The following SLC24A3 variants were observed in gnomAD, a reference collection of about 807,000 sequenced individuals.
The protein encoded by SLC24A3 is sodium/potassium/calcium exchanger 3.
SLC24A3 carries 28 observed loss-of-function variants against 75.8 expected under a neutral mutation model. The observed-to-expected ratio is 0.37, with a 90% confidence interval of 0.27 to 0.51. SLC24A3 has a LOEUF of 0.51. Ranked by LOEUF, SLC24A3 falls within the 20% of genes least tolerant of loss-of-function variation. The pLI, the probability that SLC24A3 is intolerant of heterozygous loss-of-function variation, is 0.94. For missense variants in SLC24A3, 663 were observed against 847.8 expected (o/e 0.78, Z 2.71); for synonymous variants, 372 against 334.1 (o/e 1.11, Z -1.24).
chr20:19,253,882 G>A lies in SLC24A3; in HGVS notation c.143-27077G>A, dbSNP rs528390208. ...CCAGGCCACACCGTCCTCTTCCATG[G>A]TCCAGTCTAGTGTGCATGTTCCATG... On this transcript the variant is annotated intron_variant, in intron 1 of 16. Transcript: ENST00000328041. Among the ~76,000 whole-genome samples, 4 of 152,306 alleles carry A rather than the reference G, an allele frequency of 2.6e-5. No individual in the cohort carries two copies. In the South Asian group the frequency reaches 8.3e-4, roughly 32 times the overall value.
chr20:19,370,601 G>A (rs1182367876), intron 2 of SLC24A3, among the ~76,000 whole-genome samples: 1 of 152,228 alleles, frequency 6.6e-6, no homozygotes, highest in Non-Finnish European at 1.5e-5. Context: ...TGAAAAGGTT[G>A]GAGAATGTAT....
chr20:19,711,563 C>T (rs192315491), intron 15 of SLC24A3, among the ~76,000 whole-genome samples: 7 of 152,246 alleles, frequency 4.6e-5, no homozygotes, highest in Non-Finnish European at 7.4e-5. Context: ...TGCAGGCAAA[C>T]GCACACACGT....
At chr20:19,629,821 G>C (rs1304023388) in intron 6 of SLC24A3, among the ~76,000 whole-genome samples, 1 of 152,148 alleles carries the variant, frequency 6.6e-6, no homozygotes, top group African/African-American at 2.4e-5. Context: ...ATTAATCATG[G>C]GGAAATTAAG....
intron 3 of SLC24A3, among the ~76,000 whole-genome samples, chr20:19,531,458 GA>G (rs1423954672): frequency 2.0e-5 from 3 of 152,180 alleles, no homozygotes; most frequent in African/African-American, 7.2e-5. Flanking sequence ...GCATTGACTG[GA>G]GCCCACTGTT....
At chr20:19,378,289 T>C (rs1424485536) in intron 2 of SLC24A3, among the ~76,000 whole-genome samples, 1 of 148,192 alleles carries the variant, frequency 6.7e-6, no homozygotes, top group East Asian at 2.0e-4. Flanking sequence ...GAGGTTTTTT[T>C]AAAAAAAAAA....
intron 1 of SLC24A3, among the ~76,000 whole-genome samples, chr20:19,260,418 T>C (rs1041501846): frequency 1.3e-5 from 2 of 152,248 alleles, no homozygotes; most frequent in African/African-American, 2.4e-5. Flanking sequence ...ATACTCAGCA[T>C]GGCAAATATT....
intron 9 of SLC24A3, among the ~76,000 whole-genome samples, chr20:19,679,180 G>C (rs1009251460): frequency 6.6e-6 from 1 of 151,992 alleles, no homozygotes; most frequent in South Asian, 2.1e-4. Context: ...GTAGCAAGCC[G>C]AGATCACGCC....
intron 2 of SLC24A3, among the ~76,000 whole-genome samples, chr20:19,485,280 C>T (rs1202672622): frequency 6.6e-6 from 1 of 152,078 alleles, no homozygotes; most frequent in Admixed American, 6.6e-5. Flanking sequence ...GTCATGGGGC[C>T]CTGGGTAAGG....
chr20:19,333,332 G>C (rs980015627), intron 2 of SLC24A3, among the ~76,000 whole-genome samples: 10 of 152,134 alleles, frequency 6.6e-5, no homozygotes, highest in African/African-American at 2.2e-4. Flanking sequence ...CTGCCCTAAT[G>C]CATCTGTTCA....
At chr20:19,377,542 CT>C (rs1757874361) in intron 2 of SLC24A3, among the ~76,000 whole-genome samples, 1 of 152,108 alleles carries the variant, frequency 6.6e-6, no homozygotes, top group Non-Finnish European at 1.5e-5. Context: ...CATCAGGGAA[CT>C]TTTGGGGTAA....
At chr20:19,640,242 C>T (rs1467221664) in intron 6 of SLC24A3, among the ~76,000 whole-genome samples, 1 of 152,186 alleles carries the variant, frequency 6.6e-6, no homozygotes, top group Admixed American at 6.5e-5. Context: ...TTTATCTTTC[C>T]TAACAAGACA....
At chr20:19,471,414 C>T (rs184746162) in intron 2 of SLC24A3, among the ~76,000 whole-genome samples, 1 of 152,172 alleles carries the variant, frequency 6.6e-6, no homozygotes, top group Non-Finnish European at 1.5e-5. Flanking sequence ...ATTGCTAATG[C>T]ATTTCTCTTT....
chr20:19,270,570 G>T (rs1171234574), intron 1 of SLC24A3, among the ~76,000 whole-genome samples: 2 of 152,148 alleles, frequency 1.3e-5, no homozygotes, highest in Non-Finnish European at 2.9e-5. Flanking sequence ...TGGAGAAAGG[G>T]CTAAAGAGCT....
chr20:19,229,692 G>A (rs541863236), intron 1 of SLC24A3, among the ~76,000 whole-genome samples: 1 of 152,022 alleles, frequency 6.6e-6, no homozygotes, highest in South Asian at 2.1e-4. Flanking sequence ...TTTAATTGTG[G>A]CTTCTTGTTG....
Position 19,717,605 on chromosome 20 carries a change from GCT to G in SLC24A3, c.1785+18_1785+19del. 2 of 1,614,040 alleles carry G rather than the reference GCT, an allele frequency of 1.2e-6. No individual in the cohort carries two copies. The highest frequency in any genetic ancestry group is 1.7e-6 in the Non-Finnish European group (2 of 1,179,920). On this transcript the variant is annotated intron_variant, in intron 16 of 16. Coordinates refer to ENST00000328041, the MANE Select transcript of SLC24A3 (RefSeq NM_020689.4). ...CTGTTTTTGTCACGGTAGGTTGGCA[GCT>G]CTCTCCTCGTACTTGTGTTTGCCTG...
chr20:19,463,156 A>G (rs1476678696), intron 2 of SLC24A3, among the ~76,000 whole-genome samples: 1 of 152,180 alleles, frequency 6.6e-6, no homozygotes, highest in Non-Finnish European at 1.5e-5. Context: ...TGTGACATTT[A>G]CCTGTGTGGA....
chr20:19,700,674 C>T (rs1311360606), intron 15 of SLC24A3, among the ~76,000 whole-genome samples: 2 of 152,190 alleles, frequency 1.3e-5, no homozygotes, highest in Non-Finnish European at 2.9e-5. Flanking sequence ...TAGCAAAGAT[C>T]ATCCTATGTA....
At chr20:19,518,652 T>A (rs2030042546) in intron 3 of SLC24A3, among the ~76,000 whole-genome samples, 1 of 152,190 alleles carries the variant, frequency 6.6e-6, no homozygotes, top group African/African-American at 2.4e-5. Flanking sequence ...GTGGAGAGAC[T>A]GACAGGACCT....
At chr20:19,395,412 A>G (rs1986437365) in intron 2 of SLC24A3, among the ~76,000 whole-genome samples, 1 of 152,220 alleles carries the variant, frequency 6.6e-6, no homozygotes, top group Non-Finnish European at 1.5e-5. Context: ...CAATGTTAAC[A>G]TTTTGGTATA....
Sources: allele counts gnomAD v4.1 joint callset (sites outside exome capture counted in the v4.1 genomes callset), GRCh38; gene constraint gnomAD v4.1.1; transcripts MANE v1.5; gene names NCBI Gene and HGNC (gene_info 2026-07-23, HGNC 2026-07-21).